Variants in BSPH1 observed in about 807,000 individuals in gnomAD.
The protein encoded by BSPH1 is binder of sperm 1.
Under a neutral mutation model 22.5 loss-of-function variants are expected in BSPH1, and 21 were observed. The ratio of observed to expected loss-of-function variants is 0.93; its 90% CI spans 0.66 to 1.35. The LOEUF (loss-of-function observed/expected upper bound fraction) is 1.35. BSPH1 is among the 40% of genes most tolerant of loss of function. The pLI is 0.00. For synonymous variants in BSPH1, 42 were observed against 53.6 expected, an observed-to-expected ratio of 0.78 and a Z score of 0.95; for missense variants, 141 against 154.2, an observed-to-expected ratio of 0.91 and a Z score of 0.45.
chr19:47,978,504 T>C (rs1346464436), intron 3 of BSPH1, among the ~76,000 whole-genome samples: 1 of 152,226 alleles, frequency 6.6e-6, no homozygotes, highest in East Asian at 1.9e-4. Flanking sequence ...AATACAGCTG[T>C]AGTAAACATT....
Position 47,979,550 on chromosome 19 carries a change from A to G in BSPH1, c.124+20T>C. 1.6e-6 allele frequency: 2 copies of G among 1,220,954 alleles called. No individual in the cohort carries two copies. Among genetic ancestry groups the G allele is most frequent in the South Asian group, 1.6e-5 (1 of 64,428 alleles). The allele number at this position is 1,220,954 out of a possible 1,614,324, so 75.6% of individuals were successfully genotyped here. On this transcript the variant is annotated intron_variant, in intron 3 of 5. Transcript: ENST00000344839. The stretch of plus-strand genomic sequence containing the variant: ...AAAAGAAAATATACATTAATAATCA[A>G]AGTTTTCTGATCGACTTACCTGTAA...
chr19:47,970,890 T>C (rs754349685), intron 5 of BSPH1, among the ~76,000 whole-genome samples: 2 of 152,204 alleles, frequency 1.3e-5, no homozygotes, highest in African/African-American at 2.4e-5. Flanking sequence ...ATGAAAAATC[T>C]GCATCTCAGA....
intron 1 of BSPH1, among the ~76,000 whole-genome samples, chr19:47,988,521 G>A (rs1969492555): frequency 6.6e-6 from 1 of 152,158 alleles, no homozygotes; most frequent in Non-Finnish European, 1.5e-5. Flanking sequence ...GGACAGAGGA[G>A]GCGAGAGGAG....
chr19:47,968,451 G>A lies in BSPH1; in HGVS notation c.*3-242C>T, dbSNP rs144056279. Among the ~76,000 whole-genome samples the A allele has an allele frequency of 3.9e-3, 583 of 148,706 alleles. 3 individuals are homozygous for A. Among genetic ancestry groups the A allele is most frequent in the African/African-American group, 0.013 (540 of 40,084 alleles). ...CAGCTCATTGCAACCTCTGCTTCCC[G>A]CGTTCAAATGATTCTCCTGCCTCAG... On this transcript the variant is annotated intron_variant, in intron 5 of 5. Coordinates refer to ENST00000344839, the MANE Select transcript of BSPH1 (RefSeq NM_001128326.2).
At chr19:47,984,211 A>G (rs1419319480) in intron 1 of BSPH1, among the ~76,000 whole-genome samples, 1 of 147,148 alleles carries the variant, frequency 6.8e-6, no homozygotes, top group South Asian at 2.1e-4. Flanking sequence ...TATATTATAC[A>G]TAAAATATAA....
chr19:47,991,416 C>T (rs1342588884), intron 1 of BSPH1, among the ~76,000 whole-genome samples: 5 of 151,690 alleles, frequency 3.3e-5, no homozygotes, highest in South Asian at 2.1e-4. Flanking sequence ...ACCTTCTCCT[C>T]CTCCTCATTC....
chr19:47,981,514 T>G (rs1184164610), intron 1 of BSPH1, among the ~76,000 whole-genome samples: 1 of 152,248 alleles, frequency 6.6e-6, no homozygotes, highest in Non-Finnish European at 1.5e-5. Context: ...TCCATCATCT[T>G]AGAGATAAAG....
rs112253412 is a variant in BSPH1 at position 47,985,031 on chromosome 19, C to T, written c.74-4090G>A. Among the ~76,000 whole-genome samples, 2 of 146,574 alleles carry T rather than the reference C, an allele frequency of 1.4e-5. 1 individual carries two copies. Among genetic ancestry groups the T allele is most frequent in the African/African-American group, 5.1e-5 (2 of 39,406 alleles). ...GCAGTGAGCCAAGATCGCACCACTGCACTCCAGTCTGGGCAATACAAGACT... is the reference window on the plus strand; with the variant it reads ...GCAGTGAGCCAAGATCGCACCACTGTACTCCAGTCTGGGCAATACAAGACT... On this transcript the variant is annotated intron_variant, in intron 1 of 5. Coordinates refer to ENST00000344839, the MANE Select transcript of BSPH1 (RefSeq NM_001128326.2).
chr19:47,985,869 A>T (rs1969465808), intron 1 of BSPH1, among the ~76,000 whole-genome samples: 1 of 152,056 alleles, frequency 6.6e-6, no homozygotes, highest in South Asian at 2.1e-4. Context: ...AGTGAATGTA[A>T]ATAAAATGAA....
chr19:47,986,785 C>G (rs1187466434), intron 1 of BSPH1, among the ~76,000 whole-genome samples: 1 of 151,930 alleles, frequency 6.6e-6, no homozygotes, highest in Admixed American at 6.6e-5. Flanking sequence ...AAAATCTAGA[C>G]AAAGTACCAT....
intron 3 of BSPH1, among the ~76,000 whole-genome samples, chr19:47,977,990 G>T (rs1414551301): frequency 2.1e-4 from 18 of 86,154 alleles, no homozygotes; most frequent in Non-Finnish European, 3.4e-4. Context: ...TATGCTGTAT[G>T]GTTAATACAG....
At chr19:47,972,100 C>T (rs1178679171) in intron 5 of BSPH1, among the ~76,000 whole-genome samples, 1 of 152,080 alleles carries the variant, frequency 6.6e-6, no homozygotes, top group Non-Finnish European at 1.5e-5. Context: ...CTGGGGTTTG[C>T]TCTATTAAAT....
At chr19:47,977,890 A>C (rs1049419517) in intron 3 of BSPH1, among the ~76,000 whole-genome samples, 1 of 150,970 alleles carries the variant, frequency 6.6e-6, no homozygotes, top group Non-Finnish European at 1.5e-5. Context: ...TCTCCCATGC[A>C]ACTATACATG....
intron 5 of BSPH1, among the ~76,000 whole-genome samples, 154 bp from the exon 6 acceptor site, chr19:47,968,363 CTTTTTTT>C (rs67184020): frequency 0.22 from 31,120 of 141,040 alleles, 3,994 homozygotes; most frequent in East Asian, 0.34. Context: ...TCTCTTTTTT[CTTTTTTT>C]TTTTTTTTTG....
chr19:47,975,067 C>T (rs968700850), intron 5 of BSPH1, among the ~76,000 whole-genome samples: 15 of 152,188 alleles, frequency 9.9e-5, no homozygotes, highest in Admixed American at 9.8e-4. Context: ...TCTTATACCT[C>T]GTAACAATGG....
At chr19:47,974,167 A>G (rs11879025) in intron 5 of BSPH1, among the ~76,000 whole-genome samples, 10,242 of 151,812 alleles carry the variant, frequency 0.067, 600 homozygotes, top group African/African-American at 0.16. Context: ...GGCTTGACCA[A>G]TGGGATGCAC....
Position 47,982,764 on chromosome 19 carries a change from T to C in BSPH1, c.74-1823A>G, listed in dbSNP as rs572119895. On this transcript the variant is annotated intron_variant, in intron 1 of 5. Coordinates refer to ENST00000344839, the MANE Select transcript of BSPH1 (RefSeq NM_001128326.2). ...ATGGTAGACACATACAATGGAGTAT[T>C]ATTCAGCATTAAAAAGGAACAAAAT... 2.6e-5 allele frequency among the ~76,000 whole-genome samples: 4 copies of C among 152,338 alleles called. No homozygotes were observed. In the South Asian group the frequency reaches 6.2e-4, roughly 24 times the overall value.
intron 5 of BSPH1, among the ~76,000 whole-genome samples, chr19:47,969,890 GTGTGAGAGAGAGACTTTAGAATTTATGTT>G (rs1969296297): frequency 2.6e-5 from 4 of 151,958 alleles, no homozygotes; most frequent in Non-Finnish European, 4.4e-5. Context: ...ATTTTTGTGT[GTGTGAGAGAGAGACTTTAGAATTTATGTT>G]TGTGAGAGAG....
chr19:47,968,681 T>TAAAAAA (rs71181616), intron 5 of BSPH1, among the ~76,000 whole-genome samples: 6 of 92,238 alleles, frequency 6.5e-5, no homozygotes, highest in South Asian at 3.9e-4. Flanking sequence ...GACCCTGTCT[T>TAAAAAA]AAAAAAAAAA....
Sources: allele counts gnomAD v4.1 joint callset (sites outside exome capture counted in the v4.1 genomes callset), GRCh38; gene constraint gnomAD v4.1.1; transcripts MANE v1.5; gene names NCBI Gene and HGNC (gene_info 2026-07-23, HGNC 2026-07-21).